The following ROBO2 variants were observed in gnomAD, a reference collection of about 807,000 sequenced individuals.
ROBO2 encodes roundabout guidance receptor 2.
A neutral mutation model predicts 160.8 loss-of-function variants in ROBO2; 53 were observed. The observed-to-expected ratio is 0.33, with a 90% CI of 0.26 to 0.41. The LOEUF is 0.41. ROBO2 is among the 10% of genes least tolerant of loss of function. The pLI is 1.00. For synonymous variants in ROBO2, 664 were observed against 611.7 expected (o/e 1.09, Z -1.26); for missense variants, 1,577 against 1,722.4 (o/e 0.92, Z 1.49).
chr3:77,015,051 G>A (rs1324719085), intron 2 of ROBO2, among the ~76,000 whole-genome samples: 1 of 150,366 alleles, frequency 6.7e-6, no homozygotes. Flanking sequence ...AAAAAAAAAA[G>A]TACACATTTA....
At position 77,444,958 on chromosome 3, in the gene ROBO2, C is replaced by T. The variant is rs1181500311; in HGVS notation, c.389-32456C>T. Among the ~76,000 whole-genome samples, 3 of 152,256 alleles carry T rather than the reference C, an allele frequency of 2.0e-5. No individual in the cohort carries two copies. In the East Asian group the frequency reaches 5.8e-4, roughly 29 times the overall value. ...ATGGGATACGTGTCTACAATGCATT[C>T]CAGTTCCAGTACCCAAGCTGATTTG... On this transcript the variant is annotated intron_variant, in intron 2 of 25. Coordinates refer to ENST00000461745, the Ensembl canonical transcript of ROBO2.
At chr3:77,549,350 T>G (rs2092826773) in intron 7 of ROBO2, among the ~76,000 whole-genome samples, 1 of 152,012 alleles carries the variant, frequency 6.6e-6, no homozygotes, top group Admixed American at 6.6e-5. Flanking sequence ...CATTTTCAAG[T>G]GACTTCAAAA....
intron 2 of ROBO2, among the ~76,000 whole-genome samples, chr3:77,221,837 CTTTTCT>C (rs535811432): frequency 2.7e-5 from 4 of 146,254 alleles, no homozygotes; most frequent in East Asian, 2.0e-4. Context: ...TTTCTTTTTT[CTTTTCT>C]TTTTCTTTTT....
At chr3:77,452,299 A>G (rs1476632265) in intron 2 of ROBO2, among the ~76,000 whole-genome samples, 3 of 152,200 alleles carry the variant, frequency 2.0e-5, no homozygotes, top group Non-Finnish European at 4.4e-5. Flanking sequence ...ACAGGACTGC[A>G]AAGATTTCCA....
At chr3:76,504,613 C>T (rs1225144363) in intron 2 of ROBO2, among the ~76,000 whole-genome samples, 1 of 133,608 alleles carries the variant, frequency 7.5e-6, no homozygotes, top group Non-Finnish European at 1.5e-5. Context: ...ATTGCAACCT[C>T]TGCCTCCTGG....
At chr3:76,294,745 G>T (rs1288685850) in intron 2 of ROBO2, among the ~76,000 whole-genome samples, 1 of 152,168 alleles carries the variant, frequency 6.6e-6, no homozygotes, top group African/African-American at 2.4e-5. Context: ...TATATTTCAT[G>T]AATTTTTCAC....
chr3:76,245,170 C>G (rs926388810), intron 2 of ROBO2, among the ~76,000 whole-genome samples: 1 of 152,172 alleles, frequency 6.6e-6, no homozygotes, highest in African/African-American at 2.4e-5. Flanking sequence ...GTAATCTAGA[C>G]CTTACACAAT....
chr3:76,389,308 TCA>T (rs2077038687), intron 2 of ROBO2, among the ~76,000 whole-genome samples: 1 of 152,186 alleles, frequency 6.6e-6, no homozygotes, highest in Admixed American at 6.5e-5. Flanking sequence ...TTATCCACTA[TCA>T]CACAATAACA....
chr3:77,477,420 G>A (rs1304881393), exon 3 of ROBO2: 11 of 1,613,482 alleles, frequency 6.8e-6, no homozygotes, highest in South Asian at 2.2e-5. Context: ...TCAGTGTTAC[G>A]AGATGACTTC....
At chr3:76,853,104 T>G (rs1033711667) in intron 2 of ROBO2, among the ~76,000 whole-genome samples, 1 of 152,064 alleles carries the variant, frequency 6.6e-6, no homozygotes, top group Non-Finnish European at 1.5e-5. Flanking sequence ...ACAAGTAATT[T>G]TTTTCTAAAG....
At chr3:77,518,251 A>G (rs2090227549) in intron 5 of ROBO2, among the ~76,000 whole-genome samples, 1 of 151,516 alleles carries the variant, frequency 6.6e-6, no homozygotes, top group Non-Finnish European at 1.5e-5. Flanking sequence ...ACAGGATTCA[A>G]GTGTTGATGG....
intron 5 of ROBO2, among the ~76,000 whole-genome samples, chr3:77,506,205 A>G (rs2088499261): frequency 6.6e-6 from 1 of 152,086 alleles, no homozygotes; most frequent in Non-Finnish European, 1.5e-5. Context: ...TGTTTTGTAT[A>G]TTTCTATATA....
chr3:76,737,396 G>A (rs553868733), intron 2 of ROBO2, among the ~76,000 whole-genome samples: 6 of 150,378 alleles, frequency 4.0e-5, no homozygotes, highest in South Asian at 2.1e-4. Flanking sequence ...CCTCAATTTC[G>A]TTTGTAAATT....
chr3:77,366,956 C>A (rs1184004703), intron 2 of ROBO2, among the ~76,000 whole-genome samples: 1 of 150,666 alleles, frequency 6.6e-6, no homozygotes, highest in Non-Finnish European at 1.5e-5. Flanking sequence ...CTCCATTAGG[C>A]CCCACTTCAA....
chr3:76,953,974 C>T lies in ROBO2; in HGVS notation c.110-144040C>T, dbSNP rs534936737. 3.3e-5 allele frequency among the ~76,000 whole-genome samples: 5 copies of T among 152,278 alleles called. No individual in the cohort carries two copies. The South Asian group carries it at 8.3e-4, about 25-fold the overall frequency. The stretch of plus-strand genomic sequence containing the variant: ...AAATTCCATATAGCTGTAGCCTTAA[C>T]CTTGACTGTCTTTCATTCTCAAATA... On this transcript the variant is annotated intron_variant, in intron 2 of 26. Coordinates refer to the ROBO2 transcript ENST00000487694.
chr3:77,161,730 G>T (rs989124774), intron 2 of ROBO2, among the ~76,000 whole-genome samples: 2 of 143,960 alleles, frequency 1.4e-5, no homozygotes, highest in Non-Finnish European at 3.0e-5. Flanking sequence ...CTGAAAATAC[G>T]TTTTTTTTTT....
At chr3:76,733,297 G>A (rs1211338984) in intron 2 of ROBO2, among the ~76,000 whole-genome samples, 1 of 152,158 alleles carries the variant, frequency 6.6e-6, no homozygotes, top group Non-Finnish European at 1.5e-5. Flanking sequence ...ATTCAAATGT[G>A]CTGGTTCACA....
intron 2 of ROBO2, among the ~76,000 whole-genome samples, chr3:76,216,229 A>G (rs1703516120): frequency 6.6e-6 from 1 of 152,232 alleles, no homozygotes; most frequent in Non-Finnish European, 1.5e-5. Flanking sequence ...AAGATCGTCG[A>G]GGCTAGGAAG....
chr3:76,066,374 T>C (rs2068254362), intron 2 of ROBO2, among the ~76,000 whole-genome samples: 1 of 152,130 alleles, frequency 6.6e-6, no homozygotes, highest in Non-Finnish European at 1.5e-5. Context: ...CTCAAAATTA[T>C]TTAATTATTT....
Sources: gnomAD v4.1 joint callset for allele counts (sites outside exome capture counted in the v4.1 genomes callset) on GRCh38, gnomAD v4.1.1 for gene constraint, MANE v1.5 for transcripts, NCBI Gene and HGNC (gene_info 2026-07-23, HGNC 2026-07-21) for gene names.